The following NDRG3 variants were observed in gnomAD, a reference collection of about 807,000 sequenced individuals.
NDRG3 encodes protein NDRG3.
A neutral mutation model predicts 57.2 loss-of-function variants in NDRG3; 23 were observed. The ratio of observed to expected loss-of-function variants is 0.40; its 90% CI spans 0.29 to 0.57. The LOEUF (loss-of-function observed/expected upper bound fraction) is 0.57, where lower values mean the gene tolerates loss of function less well. Ranked by LOEUF, NDRG3 falls within the 20% of genes least tolerant of loss-of-function variation. NDRG3 has a pLI of 0.42. For synonymous variants in NDRG3, 132 were observed against 162.6 expected (o/e 0.81, Z 1.43); for missense variants, 384 against 457.3 (o/e 0.84, Z 1.46).
chr20:36,711,980 C>T (rs1165752411), intron 2 of NDRG3, among the ~76,000 whole-genome samples: 1 of 152,170 alleles, frequency 6.6e-6, no homozygotes, highest in Non-Finnish European at 1.5e-5. Flanking sequence ...GGGGTTTCAC[C>T]ATGTTAGCCA....
chr20:36,710,828 AAGTC>A (rs1294404871), intron 2 of NDRG3, among the ~76,000 whole-genome samples: 2 of 147,050 alleles, frequency 1.4e-5, no homozygotes, highest in Non-Finnish European at 3.0e-5. Context: ...AAAAAAAAAA[AAGTC>A]AGTCAGGCAT....
chr20:36,741,029 C>T (rs1985903651), intron 1 of NDRG3, among the ~76,000 whole-genome samples: 1 of 152,094 alleles, frequency 6.6e-6, no homozygotes, highest in Non-Finnish European at 1.5e-5. Flanking sequence ...ATTTGACATC[C>T]AGTTCTGCAG....
At chr20:36,672,875 CGATT>C (rs374211789) in intron 8 of NDRG3, among the ~76,000 whole-genome samples, 12 of 151,762 alleles carry the variant, frequency 7.9e-5, no homozygotes, top group African/African-American at 2.9e-4. Flanking sequence ...AATTAGGACA[CGATT>C]GATTGACAGG....
rs780879088 is a variant in NDRG3, at chr20:36,706,927, C to T, written c.93+45G>A. 1.3e-5 allele frequency: 21 copies of T among 1,560,216 alleles called. No individual in the cohort carries two copies. In the South Asian group the frequency reaches 2.0e-4, roughly 15 times the overall value. On this transcript the variant is annotated intron_variant, in intron 3 of 15. Coordinates refer to ENST00000349004, the MANE Select transcript of NDRG3 (RefSeq NM_032013.4). ...CACCACCACAGGAAAGGAAACACTG[C>T]AGAGATCCTGTACAGAGCCTCCTTC...
intron 8 of NDRG3, among the ~76,000 whole-genome samples, chr20:36,675,210 C>A (rs1409037184): frequency 2.7e-5 from 4 of 150,900 alleles, no homozygotes; most frequent in African/African-American, 9.8e-5. Flanking sequence ...CAGACATGTG[C>A]CACCAGGCCC....
chr20:36,666,926 C>T (rs897007364), intron 9 of NDRG3, among the ~76,000 whole-genome samples: 2 of 152,118 alleles, frequency 1.3e-5, no homozygotes, highest in Non-Finnish European at 2.9e-5. Flanking sequence ...CTCCACCTCC[C>T]GGGTTCAAGC....
chr20:36,684,420 G>T lies in NDRG3; in HGVS notation c.376C>A (p.His126Asn), dbSNP rs769881662. 1 of 1,613,196 alleles carries T rather than the reference G, an allele frequency of 6.2e-7. No individual in the cohort carries two copies. Among genetic ancestry groups the T allele is most frequent in the South Asian group, 1.1e-5 (1 of 91,048 alleles). Residue 126 changes from histidine (H) to asparagine (N), a missense_variant, in exon 6 of 16, where the codon CAC (histidine) becomes AAC (asparagine). Coordinates refer to ENST00000349004, the MANE Select transcript of NDRG3 (RefSeq NM_032013.4). ...ACTGCAGAATGAACCTACCTTAGGT[G>T]GGTAAGAACAGGAGGCAGCATTTCA... ...LAEMLPPVLTHLSLKSIIGIG... is the reference protein window; with the variant it reads ...LAEMLPPVLTNLSLKSIIGIG...
chr20:36,720,766 T>TTCTTTTC (rs1984543052), intron 2 of NDRG3, among the ~76,000 whole-genome samples: 1 of 151,602 alleles, frequency 6.6e-6, no homozygotes, highest in Non-Finnish European at 1.5e-5. Context: ...TACTTCTTTT[T>TTCTTTTC]TCTTTTCTTT....
chr20:36,715,866 C>T (rs1169941165), intron 2 of NDRG3, among the ~76,000 whole-genome samples: 1 of 146,332 alleles, frequency 6.8e-6, no homozygotes, highest in Non-Finnish European at 1.5e-5. Context: ...CAGTGGCTCA[C>T]GCCTGTAATC....
At chr20:36,687,994 C>T (rs1981933358) in intron 4 of NDRG3, among the ~76,000 whole-genome samples, 1 of 152,236 alleles carries the variant, frequency 6.6e-6, no homozygotes, top group Non-Finnish European at 1.5e-5. Flanking sequence ...GCGTGAATGT[C>T]CTGAGCTGTT....
At chr20:36,721,421 T>C (rs1439221632) in intron 2 of NDRG3, among the ~76,000 whole-genome samples, 1 of 151,444 alleles carries the variant, frequency 6.6e-6, no homozygotes. Flanking sequence ...CTCAGCTACT[T>C]GGGAGGCTGA....
At position 36,738,502 on chromosome 20, in the gene NDRG3, C is replaced by CA. The variant is rs950454850; in HGVS notation, c.-49+7542dup. 1.1e-3 allele frequency among the ~76,000 whole-genome samples: 144 copies of CA among 129,682 alleles called. No individual in the cohort carries two copies. The Middle Eastern group carries it at 0.012, about 11-fold the overall frequency. The allele number at this position is 129,682 out of a possible 152,430, so 85.1% of individuals were successfully genotyped here. On this transcript the variant is annotated intron_variant, in intron 1 of 15. Coordinates refer to ENST00000349004, the MANE Select transcript of NDRG3 (RefSeq NM_032013.4). ...CGGGCAAAAGAGCAAAACTCCTTTG[C>CA]AAAAAAAAAAAGCAACACCTTCAAA...
chr20:36,674,127 G>A (rs1423763365), intron 8 of NDRG3, among the ~76,000 whole-genome samples: 1 of 152,088 alleles, frequency 6.6e-6, no homozygotes, highest in Non-Finnish European at 1.5e-5. Flanking sequence ...AAACATTTAA[G>A]AACAGTGCCT....
intron 12 of NDRG3, among the ~76,000 whole-genome samples, chr20:36,662,847 G>C (rs1979326082): frequency 6.6e-6 from 1 of 152,110 alleles, no homozygotes; most frequent in Non-Finnish European, 1.5e-5. Flanking sequence ...AGAGGGAGAG[G>C]CCTTATCTAT....
chr20:36,725,926 C>CTTTT (rs35120120), intron 1 of NDRG3, among the ~76,000 whole-genome samples: 4 of 123,634 alleles, frequency 3.2e-5, no homozygotes, highest in African/African-American at 9.1e-5. Context: ...CCTAGTGTTC[C>CTTTT]TTTTTTTTTT....
intron 2 of NDRG3, among the ~76,000 whole-genome samples, chr20:36,712,583 A>ATT (rs1166241289): frequency 0.016 from 171 of 10,894 alleles, 3 homozygotes; most frequent in African/African-American, 0.019. Flanking sequence ...ATATATATAT[A>ATT]TATATTTTTT....
intron 3 of NDRG3, among the ~76,000 whole-genome samples, chr20:36,689,566 C>T (rs1045891161): frequency 3.3e-5 from 5 of 152,080 alleles, no homozygotes; most frequent in Non-Finnish European, 5.9e-5. Context: ...TCCCTTCTTT[C>T]CTGGGAGCTG....
Position 36,697,417 on chromosome 20 carries a change from C to A in NDRG3, c.94-8633G>T, listed in dbSNP as rs940329691. ...AGGGCACTTTTGTCTGCATTAAAAT[C>A]TGTTCAGGGCCGGGCGCAGTGGCTC... On this transcript the variant is annotated intron_variant, in intron 3 of 15. Coordinates refer to ENST00000349004, the MANE Select transcript of NDRG3 (RefSeq NM_032013.4). Among the ~76,000 whole-genome samples the A allele has an allele frequency of 1.1e-4, 17 of 151,968 alleles. 1 individual carries two copies. The highest frequency in any genetic ancestry group is 6.3e-3 in the Middle Eastern group (2 of 316).
intron 3 of NDRG3, among the ~76,000 whole-genome samples, chr20:36,698,619 TATAAGTGAACCTATACA>T (rs1234009355): frequency 6.6e-6 from 1 of 151,360 alleles, no homozygotes; most frequent in Non-Finnish European, 1.5e-5. Flanking sequence ...AAAAGCCATG[TATAAGTGAACCTATACA>T]GTTCAAACCT....
Sources: gnomAD v4.1 joint callset for allele counts (sites outside exome capture counted in the v4.1 genomes callset) on GRCh38, gnomAD v4.1.1 for gene constraint, MANE v1.5 for transcripts, NCBI Gene and HGNC (gene_info 2026-07-23, HGNC 2026-07-21) for gene names.